Variants in AGR2 observed in about 807,000 individuals in gnomAD.
AGR2 encodes the protein anterior gradient protein 2 homolog.
A neutral mutation model predicts 25.9 loss-of-function variants in AGR2; 27 were observed. The ratio of observed to expected loss-of-function variants is 1.04; its 90% CI spans 0.77 to 1.44. The LOEUF (loss-of-function observed/expected upper bound fraction) is 1.44, where lower values mean the gene tolerates loss of function less well. Among genes scored for constraint, AGR2 ranks in the 40% most tolerant of loss-of-function variants. The probability of loss-of-function intolerance (pLI) is 0.00; values close to 1 mark genes in which losing one functional copy is unlikely to be tolerated. For synonymous variants in AGR2, 78 were observed against 72.0 expected, an observed-to-expected ratio of 1.08 and a Z score of -0.42; for missense variants, 182 against 200.9, an observed-to-expected ratio of 0.91 and a Z score of 0.57.
chr7:16,792,999 C>T lies in AGR2; in HGVS notation c.479-42G>A, dbSNP rs76194340. 8.9e-4 allele frequency: 1,403 copies of T among 1,568,260 alleles called. 9 individuals are homozygous for T. The African/African-American group carries it at 0.013, about 14-fold the overall frequency. On this transcript the variant is annotated intron_variant, in intron 7 of 7. Transcript: ENST00000419304. ...GCAGGAGAGTCAAGACACCATCGTG[C>T]GTTATATCGATATAATAAACCCCAA...
chr7:16,801,828 C>G, intron 1 of AGR2, 25 bp from the exon 2 acceptor site: 1 of 1,591,872 alleles, frequency 6.3e-7, no homozygotes. Flanking sequence ...CAACCAAAAT[C>G]AGTAAACAAA....
intron 4 of AGR2, 110 bp from the exon 5 acceptor site, chr7:16,799,927 A>G (rs1785113211): frequency 1.4e-6 from 1 of 728,206 alleles, no homozygotes; most frequent in South Asian, 2.0e-5. Flanking sequence ...CATTTTAAAT[A>G]CAGTATTCTA....
chr7:16,794,992 A>G lies in AGR2; in HGVS notation c.422T>C (p.Ile141Thr), dbSNP rs1785020260. The G allele has an allele frequency of 2.5e-6, 4 of 1,614,166 alleles. No individual in the cohort carries two copies. The highest frequency in any genetic ancestry group is 3.4e-6 in the Non-Finnish European group (4 of 1,179,974). ...GAGACGATTTGAATATCTTCCAGTGATATCGGCTCTAACTGTCAGAGATGG... is the reference window on the plus strand; with the variant it reads ...GAGACGATTTGAATATCTTCCAGTGGTATCGGCTCTAACTGTCAGAGATGG... ...VDPSLTVRAD[I>T]TGRYSNRLYA... The change falls in exon 7 of 8, where the codon ATC (isoleucine) becomes ACC (threonine). Residue 141 changes from isoleucine to threonine, a missense_variant. Coordinates refer to ENST00000419304, the MANE Select transcript of AGR2 (RefSeq NM_006408.4).
At chr7:16,802,103 C>G (rs1244397123) in intron 1 of AGR2, among the ~76,000 whole-genome samples, 1 of 151,792 alleles carries the variant, frequency 6.6e-6, no homozygotes, top group Non-Finnish European at 1.5e-5. Context: ...TTCAGCTAAC[C>G]ACGGTCAACC....
intron 5 of AGR2, chr7:16,799,476 A>G (rs3817512): frequency 0.1 from 40,203 of 389,464 alleles, 2,563 homozygotes; most frequent in South Asian, 0.22. Context: ...ACAGCAAGTA[A>G]CAAAAACCTT....
intron 1 of AGR2, among the ~76,000 whole-genome samples, chr7:16,802,859 G>A (rs1785172141): frequency 6.6e-6 from 1 of 151,738 alleles, no homozygotes; most frequent in Non-Finnish European, 1.5e-5. Flanking sequence ...TGGAGACAAG[G>A]GCTCACTGTG....
chr7:16,803,546 C>T (rs190485784), intron 1 of AGR2, among the ~76,000 whole-genome samples: 59 of 152,074 alleles, frequency 3.9e-4, no homozygotes, highest in African/African-American at 5.8e-4. Context: ...GCTACCAGAT[C>T]GAAATGATGT....
Position 16,795,012 on chromosome 7 carries a change from A to T in AGR2, c.402T>A (p.Ser134=), listed in dbSNP as rs1293749260. The T allele has an allele frequency of 6.2e-7, 1 of 1,614,154 alleles. No individual in the cohort carries two copies. The highest frequency in any genetic ancestry group is 2.2e-5 in the East Asian group (1 of 44,888). The change falls in exon 7 of 8, where the codon TCT becomes TCA. Residue 134 remains serine (S), a synonymous_variant. Coordinates refer to ENST00000419304, the MANE Select transcript of AGR2 (RefSeq NM_006408.4). The stretch of plus-strand genomic sequence containing the variant: ...CAGTGATATCGGCTCTAACTGTCAG[A>T]GATGGGTCTGCAAAGATAAATGAAG... The part of the protein sequence containing the change: ...YVPRIMFVDP[S]LTVRADITGR...
intron 5 of AGR2, among the ~76,000 whole-genome samples, chr7:16,798,760 T>C (rs1391145241): frequency 1.3e-5 from 2 of 152,162 alleles, no homozygotes; most frequent in Non-Finnish European, 2.9e-5. Flanking sequence ...GCACAGGGCT[T>C]ATTGCATGCT....
At chr7:16,801,895 G>GTTTTTTTTTTTC in intron 1 of AGR2, 92 bp from the exon 2 acceptor site, 3 of 1,105,700 alleles carry the variant, frequency 2.7e-6, no homozygotes, top group Non-Finnish European at 1.3e-6. Flanking sequence ...GAATATACCA[G>GTTTTTTTTTTTC]AAACTGAGGC....
At chr7:16,801,968 A>C (rs945089020) in intron 1 of AGR2, among the ~76,000 whole-genome samples, 165 bp from the exon 2 acceptor site, 2 of 150,430 alleles carry the variant, frequency 1.3e-5, no homozygotes, top group African/African-American at 4.9e-5. Flanking sequence ...TTTTCCTAAG[A>C]ATACAGGTGG....
intron 1 of AGR2, 85 bp from the exon 2 acceptor site, chr7:16,801,888 T>C: frequency 8.2e-7 from 1 of 1,216,512 alleles, no homozygotes; most frequent in Non-Finnish European, 1.1e-6. Flanking sequence ...AACGGTGGAA[T>C]ATACCAGAAA....
At chr7:16,796,389 T>G (rs899659247) in intron 6 of AGR2, among the ~76,000 whole-genome samples, 3 of 152,242 alleles carry the variant, frequency 2.0e-5, no homozygotes, top group African/African-American at 4.8e-5. Flanking sequence ...CCTATAAAAT[T>G]AGTGCTTTAG....
At chr7:16,798,658 A>G (rs1267552244) in intron 5 of AGR2, among the ~76,000 whole-genome samples, 1 of 152,210 alleles carries the variant, frequency 6.6e-6, no homozygotes, top group Non-Finnish European at 1.5e-5. Flanking sequence ...GCAGTATTAC[A>G]GTAAGCTAGG....
At chr7:16,796,414 T>A (rs1416361725) in intron 6 of AGR2, among the ~76,000 whole-genome samples, 1 of 152,220 alleles carries the variant, frequency 6.6e-6, no homozygotes, top group Non-Finnish European at 1.5e-5. Context: ...GCCTTCTTCC[T>A]TTTTTTCTAT....
intron 7 of AGR2, 116 bp from the exon 8 acceptor site, chr7:16,793,073 C>T: frequency 2.1e-6 from 2 of 939,276 alleles, no homozygotes; most frequent in Non-Finnish European, 3.3e-6. Context: ...TTTTTTGAGA[C>T]AAGGTCTCAC....
At chr7:16,796,622 T>G (rs776143412) in intron 6 of AGR2, among the ~76,000 whole-genome samples, 10 of 152,214 alleles carry the variant, frequency 6.6e-5, no homozygotes, top group Non-Finnish European at 1.3e-4. Context: ...GAGAGCCTAC[T>G]GCAGGGTCAC....
intron 1 of AGR2, among the ~76,000 whole-genome samples, chr7:16,802,172 C>T (rs1392358253): frequency 6.6e-6 from 1 of 152,024 alleles, no homozygotes; most frequent in East Asian, 1.9e-4. Context: ...ACCAAATTCA[C>T]CTAACTTTTA....
rs77364030 is a variant in AGR2 at position 16,792,618 on chromosome 7, C to T, written c.*290G>A. On this transcript the variant is annotated 3_prime_UTR_variant, in exon 8 of 8. Coordinates refer to ENST00000419304, the MANE Select transcript of AGR2 (RefSeq NM_006408.4). ...TGTGTGTTTAATCCTATTTGGTAAACGAACCACTGTGAAAGACCAAGTTGG... is the reference window on the plus strand; with the variant it reads ...TGTGTGTTTAATCCTATTTGGTAAATGAACCACTGTGAAAGACCAAGTTGG... The T allele has an allele frequency of 0.042, 14,999 of 358,800 alleles. 451 individuals are homozygous for T. The highest frequency in any genetic ancestry group is 0.056 in the Non-Finnish European group (10,968 of 195,446). 22.2% of individuals were successfully genotyped at this position (358,800 alleles called of 1,614,324 possible).
Sources: gnomAD v4.1 joint callset for allele counts (sites outside exome capture counted in the v4.1 genomes callset) on GRCh38, gnomAD v4.1.1 for gene constraint, MANE v1.5 for transcripts, NCBI Gene and HGNC (gene_info 2026-07-23, HGNC 2026-07-21) for gene names.